PTPRT: variants seen among roughly 807,000 people sequenced by gnomAD.
The protein encoded by PTPRT is receptor-type tyrosine-protein phosphatase T.
A neutral mutation model predicts 176.8 loss-of-function variants in PTPRT; 56 were observed. The observed-to-expected ratio is 0.32, with a 90% confidence interval of 0.26 to 0.40. The LOEUF (loss-of-function observed/expected upper bound fraction) is 0.40, where lower values mean the gene tolerates loss of function less well. Among genes scored for constraint, PTPRT ranks in the 10% least tolerant of loss-of-function variants. The probability of loss-of-function intolerance (pLI) is 1.00; values close to 1 mark genes in which losing one functional copy is unlikely to be tolerated. For missense variants in PTPRT, 1,540 were observed against 1,908.2 expected, an observed-to-expected ratio of 0.81 and a Z score of 3.60; for synonymous variants, 783 against 739.0, an observed-to-expected ratio of 1.06 and a Z score of -0.96.
chr20:42,977,011 C>T (rs533254442), intron 1 of PTPRT, among the ~76,000 whole-genome samples: 1 of 152,138 alleles, frequency 6.6e-6, no homozygotes, highest in East Asian at 1.9e-4. Flanking sequence ...AATTTTTAAC[C>T]ACAGCACTGC....
chr20:42,066,885 C>G, the PTPRT span, among the ~76,000 whole-genome samples: 1 of 152,112 alleles, frequency 6.6e-6, no homozygotes, highest in Non-Finnish European at 1.5e-5. Context: ...TTGTTGGATA[C>G]AACAACAAAA....
chr20:42,777,487 C>T (rs968081958), intron 4 of PTPRT, among the ~76,000 whole-genome samples: 1 of 152,140 alleles, frequency 6.6e-6, no homozygotes, highest in Non-Finnish European at 1.5e-5. Context: ...GCAGCCCTCC[C>T]GTATCCCAGA....
At chr20:43,107,873 T>C (rs2012685766) in intron 1 of PTPRT, among the ~76,000 whole-genome samples, 2 of 152,242 alleles carry the variant, frequency 1.3e-5, no homozygotes, top group Admixed American at 6.5e-5. Context: ...AGGTAATACC[T>C]TTAAAATGTC....
At chr20:42,191,832 T>G (rs992545438) in intron 16 of PTPRT, among the ~76,000 whole-genome samples, 1 of 152,166 alleles carries the variant, frequency 6.6e-6, no homozygotes, top group Non-Finnish European at 1.5e-5. Flanking sequence ...TGAGAAAAGA[T>G]GGAACCAGGT....
intron 11 of PTPRT, among the ~76,000 whole-genome samples, chr20:42,321,112 C>T (rs942568301): frequency 6.6e-6 from 1 of 152,110 alleles, no homozygotes; most frequent in African/African-American, 2.4e-5. Context: ...ACTTTGTTTC[C>T]AGCACTCCTC....
At chr20:42,928,327 G>C (rs1979617952) in intron 1 of PTPRT, among the ~76,000 whole-genome samples, 1 of 152,232 alleles carries the variant, frequency 6.6e-6, no homozygotes, top group African/African-American at 2.4e-5. Flanking sequence ...TGCCCAGAGA[G>C]GGGCAGAGGG....
At chr20:42,122,457 A>C (rs1483458713) in intron 19 of PTPRT, among the ~76,000 whole-genome samples, 1 of 152,308 alleles carries the variant, frequency 6.6e-6, no homozygotes, top group East Asian at 1.9e-4. Flanking sequence ...AGGAAGACCT[A>C]TCCCTTCCTC....
intron 18 of PTPRT, among the ~76,000 whole-genome samples, chr20:42,136,993 G>T (rs913543629): frequency 6.6e-6 from 1 of 152,180 alleles, no homozygotes; most frequent in African/African-American, 2.4e-5. Flanking sequence ...GGCAGGTTCT[G>T]GGGACATTTA....
chr20:42,485,239 A>G (rs548720376), intron 7 of PTPRT, among the ~76,000 whole-genome samples: 1 of 152,358 alleles, frequency 6.6e-6, no homozygotes, highest in East Asian at 1.9e-4. Context: ...AGTCAAACCC[A>G]TAACATCTGG....
At chr20:42,301,614 G>A (rs1380895005) in intron 12 of PTPRT, among the ~76,000 whole-genome samples, 5 of 152,042 alleles carry the variant, frequency 3.3e-5, no homozygotes, top group African/African-American at 1.2e-4. Flanking sequence ...GGAGTAAAGG[G>A]GTGATTTATA....
intron 9 of PTPRT, among the ~76,000 whole-genome samples, chr20:42,355,211 C>T (rs762298724): frequency 1.3e-5 from 2 of 152,146 alleles, no homozygotes; most frequent in Non-Finnish European, 2.9e-5. Context: ...GCAAGCTCCC[C>T]CTCCTTGGTA....
intron 7 of PTPRT, among the ~76,000 whole-genome samples, chr20:42,478,242 T>G (rs1459523278): frequency 6.6e-6 from 1 of 152,114 alleles, no homozygotes; most frequent in Non-Finnish European, 1.5e-5. Context: ...GGGCTGACAT[T>G]TTTATTCCTA....
intron 1 of PTPRT, among the ~76,000 whole-genome samples, chr20:42,897,880 G>C (rs2079331348): frequency 6.6e-6 from 1 of 152,170 alleles, no homozygotes; most frequent in Non-Finnish European, 1.5e-5. Flanking sequence ...ATAGTACCTG[G>C]CACGTAGTCA....
rs775489787 is a variant in PTPRT, at chr20:42,085,729, C to T, written c.3971G>A (p.Arg1324Gln). Reference protein sequence around the residue: ...HRIFRICNMARPQDGYRIVQH... With the variant: ...HRIFRICNMAQPQDGYRIVQH... ...AAGCAATGGCGGCCGTGTACTTACC[C>T]GGGCCATGTTACAGATGCGGAATAT... The change falls in exon 28 of 31, where the codon CGG (arginine) becomes CAG (glutamine). Residue 1324 changes from arginine (R) to glutamine (Q), a missense_variant and splice_region_variant. Physicochemically the swap from Arg to Gln is conservative, Grantham distance 43. Around this residue, in one of 11 missense-constraint regions of PTPRT, gnomAD observed 342 missense variants for 394.0 expected, o/e 0.87. Coordinates refer to ENST00000373187, the MANE Select transcript of PTPRT (RefSeq NM_007050.6). The T allele has an allele frequency of 3.8e-5, 61 of 1,613,736 alleles. No individual in the cohort carries two copies. The highest frequency in any genetic ancestry group is 1.5e-4 in the Admixed American group (9 of 60,012).
At chr20:42,800,649 G>A (rs1191881908) in intron 2 of PTPRT, among the ~76,000 whole-genome samples, 1 of 152,132 alleles carries the variant, frequency 6.6e-6, no homozygotes, top group Non-Finnish European at 1.5e-5. Context: ...CTCACAGAAT[G>A]TTCAACTGTG....
chr20:42,534,424 G>C (rs2145555203), intron 7 of PTPRT, among the ~76,000 whole-genome samples: 1 of 152,188 alleles, frequency 6.6e-6, no homozygotes, highest in East Asian at 1.9e-4. Context: ...ATGAGGTCAA[G>C]AGATCGAGAT....
At chr20:42,355,192 T>C (rs1378487596) in intron 9 of PTPRT, among the ~76,000 whole-genome samples, 1 of 152,110 alleles carries the variant, frequency 6.6e-6, no homozygotes, top group African/African-American at 2.4e-5. Context: ...TCCCCTTCCT[T>C]ATACCCCTGC....
intron 6 of PTPRT, among the ~76,000 whole-genome samples, chr20:42,751,483 G>A (rs2076769293): frequency 6.6e-6 from 1 of 152,170 alleles, no homozygotes; most frequent in Non-Finnish European, 1.5e-5. Context: ...TTGAAATGAA[G>A]GATGCAAAGT....
At chr20:42,953,048 C>A (rs1404872725) in intron 1 of PTPRT, among the ~76,000 whole-genome samples, 2 of 152,224 alleles carry the variant, frequency 1.3e-5, no homozygotes, top group Non-Finnish European at 2.9e-5. Flanking sequence ...TTCTTCCCCA[C>A]CAGCCTTTCT....
Sources: allele counts gnomAD v4.1 joint callset (sites outside exome capture counted in the v4.1 genomes callset), GRCh38; gene constraint gnomAD v4.1.1; regional missense constraint gnomAD v4.1.1; transcripts MANE v1.5; gene names NCBI Gene and HGNC (gene_info 2026-07-23, HGNC 2026-07-21).